LUZP2: variants seen among roughly 807,000 people sequenced by gnomAD.
The protein encoded by LUZP2 is leucine zipper protein 2.
Under a neutral mutation model 51.6 loss-of-function variants are expected in LUZP2, and 52 were observed. The ratio of observed to expected loss-of-function variants is 1.01; its 90% CI spans 0.81 to 1.27. The LOEUF is 1.27. Ranked by LOEUF, LUZP2 falls within the 50% of genes most tolerant of loss-of-function variation. LUZP2 has a pLI of 0.00. For missense variants in LUZP2, 436 were observed against 395.4 expected (o/e 1.10, Z -0.87); for synonymous variants, 154 against 137.3 (o/e 1.12, Z -0.85).
chr11:24,659,712 A>G (rs1565059747), intron 1 of LUZP2, among the ~76,000 whole-genome samples: 1 of 152,154 alleles, frequency 6.6e-6, no homozygotes, highest in Admixed American at 6.6e-5. Context: ...TTATTGAAAT[A>G]AAATTATTAA....
At chr11:24,785,742 T>G (rs1411455388) in intron 5 of LUZP2, 1 of 347,398 alleles carries the variant, frequency 2.9e-6, no homozygotes, top group Admixed American at 6.5e-5. Context: ...ATGCTACATA[T>G]GTGCTATTAT....
chr11:24,787,963 A>G (rs887228628), intron 5 of LUZP2, among the ~76,000 whole-genome samples: 67 of 151,930 alleles, frequency 4.4e-4, no homozygotes, highest in African/African-American at 1.6e-3. Context: ...CCATTTGAAA[A>G]CTGCTAATTT....
chr11:24,961,675 C>T (rs534791159), intron 7 of LUZP2, among the ~76,000 whole-genome samples: 2 of 152,224 alleles, frequency 1.3e-5, no homozygotes, highest in Non-Finnish European at 2.9e-5. Context: ...GATTATAGCT[C>T]ATTGATGGGT....
intron 1 of LUZP2, among the ~76,000 whole-genome samples, chr11:24,517,086 C>T (rs1164314934): frequency 1.3e-5 from 2 of 151,882 alleles, no homozygotes; most frequent in Non-Finnish European, 2.9e-5. Context: ...TTTTTGTGTT[C>T]TAAGTTGAAA....
Position 24,793,235 on chromosome 11 carries a change from G to A in LUZP2, c.396+29927G>A, listed in dbSNP as rs376798618. Among the ~76,000 whole-genome samples, 8 of 152,210 alleles carry A rather than the reference G, an allele frequency of 5.3e-5. No individual in the cohort carries two copies. In the South Asian group the frequency reaches 6.2e-4, roughly 12 times the overall value. On this transcript the variant is annotated intron_variant, in intron 5 of 11. Coordinates refer to ENST00000336930, the MANE Select transcript of LUZP2 (RefSeq NM_001009909.4). ...TATTTCAACCTTTCCTTGTGTCAAA[G>A]TTCAGCCTTAAAATATGGCACTATT...
rs752290240 is a variant in LUZP2 at position 24,983,135 on chromosome 11, A to T, written c.607A>T (p.Met203Leu). ...GCCTCTTTTTTTGTAGGAGTCACAG[A>T]TGAAAGCAATGAAAGAGACTGTGCA... ...EKAALDRESQ[M>L]KAMKETVQLC... Residue 203 changes from methionine to leucine, a missense_variant, in exon 9 of 12, where the codon ATG (methionine) becomes TTG (leucine). Physicochemically the swap from Met to Leu is conservative, Grantham distance 15 (BLOSUM62 2). Coordinates refer to ENST00000336930, the MANE Select transcript of LUZP2 (RefSeq NM_001009909.4). The T allele has an allele frequency of 2.5e-6, 4 of 1,611,152 alleles. No individual in the cohort carries two copies. Among genetic ancestry groups the T allele is most frequent in the Admixed American group, 1.7e-5 (1 of 59,628 alleles).
intron 9 of LUZP2, among the ~76,000 whole-genome samples, chr11:24,999,924 G>A (rs1856629918): frequency 1.3e-5 from 2 of 152,000 alleles, no homozygotes; most frequent in Non-Finnish European, 2.9e-5. Context: ...AAAAAACAAA[G>A]CTTCCACAGT....
chr11:24,721,517 G>A (rs1027016), intron 1 of LUZP2, among the ~76,000 whole-genome samples: 54,580 of 151,926 alleles, frequency 0.36, 10,195 homozygotes, highest in Non-Finnish European at 0.41. Context: ...TTAGGATATA[G>A]AAGAAAAACT....
chr11:25,013,693 A>G (rs1342176043), intron 9 of LUZP2, among the ~76,000 whole-genome samples: 2 of 152,052 alleles, frequency 1.3e-5, no homozygotes, highest in Non-Finnish European at 2.9e-5. Context: ...TCACCCAATG[A>G]TATAATTTTT....
intron 4 of LUZP2, among the ~76,000 whole-genome samples, chr11:24,762,092 C>T (rs1191774349): frequency 0.014 from 6 of 416 alleles, no homozygotes; most frequent in Non-Finnish European, 0.019. Context: ...AGGCATTTTA[C>T]GTATTCTTGT....
At chr11:24,718,619 A>G (rs929028743) in intron 1 of LUZP2, among the ~76,000 whole-genome samples, 2 of 152,240 alleles carry the variant, frequency 1.3e-5, no homozygotes, top group African/African-American at 2.4e-5. Context: ...GTTCAACATT[A>G]TAAGTACAAA....
intron 1 of LUZP2, among the ~76,000 whole-genome samples, chr11:24,707,447 TA>T (rs888453256): frequency 1.3e-4 from 20 of 151,182 alleles, no homozygotes; most frequent in East Asian, 5.8e-4. Context: ...GATGGACAAC[TA>T]AAAAAAAATT....
chr11:24,935,456 C>A (rs1854561507), intron 7 of LUZP2, among the ~76,000 whole-genome samples: 1 of 152,052 alleles, frequency 6.6e-6, no homozygotes. Flanking sequence ...TTCTTCTGAG[C>A]ACAAAGAAAG....
chr11:25,014,238 GT>G (rs1052582406), intron 9 of LUZP2, among the ~76,000 whole-genome samples: 2 of 152,186 alleles, frequency 1.3e-5, no homozygotes, highest in Non-Finnish European at 2.9e-5. Flanking sequence ...ATAGCAGCAT[GT>G]TTTATAATCC....
intron 7 of LUZP2, among the ~76,000 whole-genome samples, chr11:24,937,639 C>T (rs1429665581): frequency 1.3e-5 from 2 of 152,114 alleles, no homozygotes; most frequent in Non-Finnish European, 2.9e-5. Context: ...CGGTGGCTCA[C>T]GCCTGTAATC....
At chr11:24,765,825 A>G (rs1860169997) in intron 5 of LUZP2, among the ~76,000 whole-genome samples, 1 of 151,774 alleles carries the variant, frequency 6.6e-6, no homozygotes, top group Non-Finnish European at 1.5e-5. Flanking sequence ...ACAGGGTTTC[A>G]CTGTGTTAGC....
intron 9 of LUZP2, among the ~76,000 whole-genome samples, chr11:24,990,249 A>T (rs1022418045): frequency 6.6e-6 from 1 of 152,072 alleles, no homozygotes; most frequent in Non-Finnish European, 1.5e-5. Flanking sequence ...GTTATCCTGA[A>T]GTTTTCCAAC....
At chr11:25,061,136 C>A (rs1590887150) in intron 10 of LUZP2, among the ~76,000 whole-genome samples, 1 of 152,098 alleles carries the variant, frequency 6.6e-6, no homozygotes, top group African/African-American at 2.4e-5. Flanking sequence ...TTGTACATGA[C>A]TCCAAAGCTT....
At chr11:24,960,358 T>C (rs918255688) in intron 7 of LUZP2, among the ~76,000 whole-genome samples, 20 of 152,160 alleles carry the variant, frequency 1.3e-4, no homozygotes, top group South Asian at 1.2e-3. Flanking sequence ...TGGTAGAATT[T>C]GGCTGTGAAT....
Sources: gnomAD v4.1 joint callset for allele counts (sites outside exome capture counted in the v4.1 genomes callset) on GRCh38, gnomAD v4.1.1 for gene constraint, MANE v1.5 for transcripts, NCBI Gene and HGNC (gene_info 2026-07-23, HGNC 2026-07-21) for gene names.